Variants in AACS observed in about 807,000 individuals in gnomAD.
AACS encodes acetoacetate-CoA ligase.
Under a neutral mutation model 83.1 loss-of-function variants are expected in AACS, and 69 were observed. The ratio of observed to expected loss-of-function variants is 0.83; its 90% CI spans 0.68 to 1.01. The LOEUF is 1.01. Among genes scored for constraint, AACS ranks in the 50% least tolerant of loss-of-function variants. The pLI is 0.00. For synonymous variants in AACS, 333 were observed against 343.4 expected, an observed-to-expected ratio of 0.97 and a Z score of 0.33; for missense variants, 866 against 882.2, an observed-to-expected ratio of 0.98 and a Z score of 0.23.
At position 125,094,789 on chromosome 12, in the gene AACS, C is replaced by G. The variant is rs1233225039; in HGVS notation, c.570+3266C>G. ...GTGCTCTGTTCTAAGGGTTCCCAACCTTTCCAGCCCCAGCAAGATCTCTAG... is the reference window on the plus strand; with the variant it reads ...GTGCTCTGTTCTAAGGGTTCCCAACGTTTCCAGCCCCAGCAAGATCTCTAG... On this transcript the variant is annotated intron_variant, in intron 5 of 17. Coordinates refer to ENST00000316519, the MANE Select transcript of AACS (RefSeq NM_023928.5). This position sits in a 1 kb window ranked among gnomAD's most constrained non-coding sequence, Gnocchi z 4.1. Among the ~76,000 whole-genome samples the G allele has an allele frequency of 6.6e-6, 1 of 152,190 alleles. No homozygotes were observed. Among genetic ancestry groups the G allele is most frequent in the East Asian group, 1.9e-4 (1 of 5,204 alleles).
rs757076216 is a variant in AACS, at chr12:125,118,628, C to T, written c.997-13C>T. 2 of 1,613,946 alleles carry T rather than the reference C, an allele frequency of 1.2e-6. No individual in the cohort carries two copies. The highest frequency in any genetic ancestry group is 1.7e-6 in the Non-Finnish European group (2 of 1,179,920). ...TAGCGCCCGCTGAAGCCGCATCCCT[C>T]CTGTCTTTGCAGGTCGGCTGGATGA... On this transcript the variant is annotated splice_polypyrimidine_tract_variant and intron_variant, in intron 9 of 17. Transcript: ENST00000316519.
chr12:125,076,454 A>G (rs374742376), intron 2 of AACS, 37 bp from the exon 3 acceptor site: 59 of 1,608,996 alleles, frequency 3.7e-5, no homozygotes, highest in Non-Finnish European at 4.7e-5. Context: ...GCGTAGTCTC[A>G]TGTGTGTGCG....
At chr12:125,115,386 G>A (rs1361009378) in intron 9 of AACS, among the ~76,000 whole-genome samples, 1 of 151,594 alleles carries the variant, frequency 6.6e-6, no homozygotes, top group Non-Finnish European at 1.5e-5. Context: ...TCAGCCTCCT[G>A]AGTAGCTGGG....
chr12:125,072,900 C>T (rs927785225), intron 1 of AACS, among the ~76,000 whole-genome samples: 14 of 143,622 alleles, frequency 9.7e-5, no homozygotes, highest in Admixed American at 2.8e-4. Context: ...GGAGGGAGAC[C>T]TTTTACCATG....
intron 7 of AACS, chr12:125,105,474 C>T (rs1381184544): frequency 6.6e-6 from 1 of 152,160 alleles, no homozygotes; most frequent in Admixed American, 6.5e-5. Flanking sequence ...GATTTTGTGC[C>T]CCAGGTGTAT....
chr12:125,075,870 G>A (rs551420265), intron 2 of AACS, among the ~76,000 whole-genome samples: 44 of 152,320 alleles, frequency 2.9e-4, no homozygotes, highest in African/African-American at 1.0e-3. Context: ...GGGATTACAG[G>A]CGTGAGCCAC....
intron 8 of AACS, among the ~76,000 whole-genome samples, chr12:125,114,057 C>T (rs1003110368): frequency 6.6e-6 from 1 of 151,948 alleles, no homozygotes; most frequent in East Asian, 1.9e-4. Flanking sequence ...CCCCTCACCC[C>T]GCTGTTCCCT....
intron 12 of AACS, 124 bp downstream of exon 12, chr12:125,125,148 C>A: frequency 7.1e-7 from 1 of 1,408,182 alleles, no homozygotes; most frequent in Non-Finnish European, 9.7e-7. Flanking sequence ...TACGCACAGT[C>A]CCTTCTCATG....
chr12:125,087,582 G>A (rs910799052), intron 4 of AACS, among the ~76,000 whole-genome samples: 1 of 152,312 alleles, frequency 6.6e-6, no homozygotes, highest in East Asian at 1.9e-4. Flanking sequence ...AGGACCACAG[G>A]GGGCGGGTGG....
At chr12:125,080,979 C>T (rs192305551) in intron 3 of AACS, among the ~76,000 whole-genome samples, 8 of 151,002 alleles carry the variant, frequency 5.3e-5, no homozygotes, top group Admixed American at 2.6e-4. Flanking sequence ...GCGTGAGTCA[C>T]CGTGCCTGGC....
chr12:125,103,206 TA>T (rs752953152), intron 7 of AACS, 125 bp downstream of exon 7: 2 of 770,394 alleles, frequency 2.6e-6, no homozygotes, highest in Non-Finnish European at 4.2e-6. Context: ...AGGTTTTAGT[TA>T]AAAGCATCAT....
At chr12:125,084,605 G>A (rs1956287073) in intron 3 of AACS, among the ~76,000 whole-genome samples, 1 of 149,726 alleles carries the variant, frequency 6.7e-6, no homozygotes, top group African/African-American at 2.5e-5. Flanking sequence ...CCAAGACAGA[G>A]TCTCACTCTG....
intron 3 of AACS, among the ~76,000 whole-genome samples, chr12:125,079,857 C>A (rs1161106160): frequency 1.3e-5 from 2 of 152,318 alleles, no homozygotes; most frequent in Middle Eastern, 3.4e-3. Flanking sequence ...AGCAGTCACT[C>A]TCTGTTCCTG....
intron 5 of AACS, chr12:125,102,335 C>T (rs1308215080): frequency 8.5e-6 from 2 of 235,124 alleles, no homozygotes; most frequent in South Asian, 5.8e-5. Context: ...CAGGTGTGAG[C>T]CAGCGCGCCC....
At position 125,102,991 on chromosome 12, in the gene AACS, TCCTTCCAGG is replaced by T. The variant is rs755527117; in HGVS notation, c.686-5_689del. ...GTAACCTTGTGTTTTCTCCTCTCGCTCCTTCCAGGCCTACCAGACTTGAAGAAAGTGGTG... is the reference window on the plus strand; with the variant it reads ...GTAACCTTGTGTTTTCTCCTCTCGCTCCTACCAGACTTGAAGAAAGTGGTG... On this transcript the variant is annotated splice_acceptor_variant and splice_polypyrimidine_tract_variant and coding_sequence_variant and intron_variant, in exon 7 of 18. Coordinates refer to ENST00000316519, the MANE Select transcript of AACS (RefSeq NM_023928.5). LOFTEE classifies it high-confidence loss of function. 1.9e-6 allele frequency: 3 copies of T among 1,610,188 alleles called. No homozygotes were observed. In the South Asian group the frequency reaches 3.3e-5, roughly 18 times the overall value.
chr12:125,134,950 C>G (rs1257216882), intron 16 of AACS, 98 bp downstream of exon 16: 1 of 1,385,648 alleles, frequency 7.2e-7, no homozygotes, highest in Admixed American at 1.9e-5. Flanking sequence ...AACTCTGGCC[C>G]CTTGTTCTCT....
chr12:125,119,512 A>G (rs1292718468), intron 10 of AACS, among the ~76,000 whole-genome samples: 5 of 152,244 alleles, frequency 3.3e-5, no homozygotes, highest in African/African-American at 1.2e-4. Flanking sequence ...AGGCCTCACA[A>G]TCATGATGGA....
chr12:125,098,004 C>T (rs567001964), intron 5 of AACS, among the ~76,000 whole-genome samples: 2 of 152,358 alleles, frequency 1.3e-5, no homozygotes, highest in South Asian at 2.1e-4. Flanking sequence ...TTCTGCTTCT[C>T]TCTACTGTAC....
intron 9 of AACS, 166 bp from the exon 10 acceptor site, chr12:125,118,475 A>G: frequency 1.3e-6 from 1 of 779,172 alleles, no homozygotes; most frequent in African/African-American, 1.7e-5. Flanking sequence ...ATCCATTCTT[A>G]GATGTGGAGT....
Sources: allele counts gnomAD v4.1 joint callset (sites outside exome capture counted in the v4.1 genomes callset), GRCh38; gene constraint gnomAD v4.1.1; non-coding constraint Gnocchi (gnomAD v3.1); transcripts MANE v1.5; gene names NCBI Gene and HGNC (gene_info 2026-07-23, HGNC 2026-07-21).